CCDC13: variants seen among roughly 807,000 people sequenced by gnomAD.
CCDC13 encodes the protein coiled-coil domain-containing protein 13.
In CCDC13, 70 loss-of-function variants were observed where a neutral mutation model predicts 87.3. That is an observed-to-expected ratio of 0.80 (90% CI 0.66 to 0.98). The LOEUF (loss-of-function observed/expected upper bound fraction) is 0.98, where lower values mean the gene tolerates loss of function less well. Among genes scored for constraint, CCDC13 ranks in the 50% least tolerant of loss-of-function variants. The pLI is 0.00. For missense variants in CCDC13, 842 were observed against 892.0 expected (o/e 0.94, Z 0.71); for synonymous variants, 317 against 360.3 (o/e 0.88, Z 1.36).
chr3:42,763,503 CTT>C (rs765712843), intron 1 of CCDC13, among the ~76,000 whole-genome samples: 82 of 129,956 alleles, frequency 6.3e-4, no homozygotes, highest in Admixed American at 7.9e-4. Context: ...AAGAGATGTA[CTT>C]TTTTTTTTTT....
intron 3 of CCDC13, among the ~76,000 whole-genome samples, 159 bp downstream of exon 3, chr3:42,756,907 C>A (rs987261657): frequency 5.9e-5 from 9 of 152,038 alleles, no homozygotes; most frequent in African/African-American, 9.7e-5. Flanking sequence ...TGCTCTTTTC[C>A]TCTACCCTCT....
intron 3 of CCDC13, among the ~76,000 whole-genome samples, chr3:42,755,790 C>CA (rs1559659455): frequency 6.6e-6 from 1 of 152,138 alleles, no homozygotes; most frequent in African/African-American, 2.4e-5. Context: ...TTGCAAGAGA[C>CA]AGTTAACAAT....
chr3:42,732,883 A>G lies in CCDC13; in HGVS notation c.1595+4T>C, dbSNP rs908140010. The G allele has an allele frequency of 3.9e-6, 6 of 1,551,982 alleles. No individual in the cohort carries two copies. In the African/African-American group the frequency reaches 4.1e-5, roughly 11 times the overall value. On this transcript the variant is annotated splice_donor_region_variant and intron_variant, in intron 12 of 15. Transcript: ENST00000310232. The stretch of plus-strand genomic sequence containing the variant: ...GTGAGAGTCCGGGGGTCGGGGGTCC[A>G]TACCTAGGTGAGGTCCTGTGGGGAC...
chr3:42,754,023 G>A (rs1699648357), intron 3 of CCDC13, among the ~76,000 whole-genome samples: 1 of 152,186 alleles, frequency 6.6e-6, no homozygotes, highest in Non-Finnish European at 1.5e-5. Context: ...TCTCTGGAGT[G>A]CAGCTCCCCT....
chr3:42,751,888 G>A, intron 5 of CCDC13, 48 bp downstream of exon 5: 1 of 1,548,376 alleles, frequency 6.5e-7, no homozygotes, highest in Non-Finnish European at 8.9e-7. Context: ...GGGAGGCCCA[G>A]GCCCATGGCT....
chr3:42,706,550 C>T lies in CCDC13; in HGVS notation c.*2430G>A, dbSNP rs1195504739. The T allele has an allele frequency of 6.6e-6, 1 of 152,250 alleles. No individual in the cohort carries two copies. The highest frequency in any genetic ancestry group is 2.4e-5 in the African/African-American group (1 of 41,460). The allele number at this position is 152,250 out of a possible 1,614,324, so 9.4% of individuals were successfully genotyped here. On this transcript the variant is annotated 3_prime_UTR_variant, in exon 16 of 16. Coordinates refer to ENST00000310232, the MANE Select transcript of CCDC13 (RefSeq NM_144719.4). ...TCCCGCACATGGCACCACAGCAATG[C>T]TGTCAAGGTTGCCCGTGGAATCTGA... is the stretch of plus-strand genomic sequence containing the variant.
intron 7 of CCDC13, 106 bp downstream of exon 7, chr3:42,745,816 CT>C: frequency 1.4e-5 from 11 of 805,006 alleles, no homozygotes; most frequent in Admixed American, 2.5e-5. Context: ...ACCTAAAGGC[CT>C]TTTTTGGGTA....
intron 1 of CCDC13, among the ~76,000 whole-genome samples, chr3:42,769,104 C>T (rs534845048): frequency 6.6e-6 from 1 of 152,166 alleles, no homozygotes; most frequent in Non-Finnish European, 1.5e-5. Flanking sequence ...TGCCATTGCA[C>T]TCCAGTCTGG....
intron 3 of CCDC13, among the ~76,000 whole-genome samples, chr3:42,755,183 A>G (rs1224971881): frequency 6.6e-6 from 1 of 152,222 alleles, no homozygotes; most frequent in Admixed American, 6.5e-5. Flanking sequence ...ATATTTTGTA[A>G]TCACTAGATC....
chr3:42,772,520 C>T (rs1425446639), intron 1 of CCDC13, among the ~76,000 whole-genome samples: 3 of 152,132 alleles, frequency 2.0e-5, no homozygotes, highest in Admixed American at 6.5e-5. Flanking sequence ...CTTCCCCTCT[C>T]CTTCTCTTTC....
chr3:42,742,611 C>T (rs542631318), intron 8 of CCDC13, among the ~76,000 whole-genome samples: 6 of 152,164 alleles, frequency 3.9e-5, no homozygotes, highest in Admixed American at 2.0e-4. Flanking sequence ...ATGACCCTCC[C>T]CCTCTCCCTT....
At chr3:42,715,695 T>C (rs537559416) in intron 13 of CCDC13, among the ~76,000 whole-genome samples, 1 of 152,358 alleles carries the variant, frequency 6.6e-6, no homozygotes, top group East Asian at 1.9e-4. Flanking sequence ...TTCAAGTTCT[T>C]AAACTGTATT....
At chr3:42,768,555 G>A (rs964907533) in intron 1 of CCDC13, among the ~76,000 whole-genome samples, 1 of 151,958 alleles carries the variant, frequency 6.6e-6, no homozygotes, top group Non-Finnish European at 1.5e-5. Flanking sequence ...AAATTAGCTG[G>A]GCATGTTGGT....
chr3:42,765,364 G>A (rs935795852), intron 1 of CCDC13, among the ~76,000 whole-genome samples: 1 of 152,132 alleles, frequency 6.6e-6, no homozygotes, highest in Non-Finnish European at 1.5e-5. Context: ...GGCCAGTGGA[G>A]ATTTGAAATT....
chr3:42,751,695 T>C (rs1315641486), intron 5 of CCDC13, among the ~76,000 whole-genome samples: 2 of 152,248 alleles, frequency 1.3e-5, no homozygotes, highest in African/African-American at 4.8e-5. Context: ...GAGACAGAGT[T>C]GGAGCTACAC....
chr3:42,746,084 A>T, intron 6 of CCDC13, 57 bp from the exon 7 acceptor site: 1 of 1,242,402 alleles, frequency 8.0e-7, no homozygotes, highest in Admixed American at 1.7e-5. Flanking sequence ...CCAGACCCTG[A>T]TGCTGCTACG....
chr3:42,747,673 A>G (rs1699451735), intron 5 of CCDC13, among the ~76,000 whole-genome samples: 1 of 152,224 alleles, frequency 6.6e-6, no homozygotes, highest in Non-Finnish European at 1.5e-5. Flanking sequence ...AGTGTTGCAC[A>G]CACACATGTG....
rs1333471490 is a variant in CCDC13, at chr3:42,747,269, C to T, written c.708G>A (p.Arg236=). 1.2e-6 allele frequency: 2 copies of T among 1,614,000 alleles called. No individual in the cohort carries two copies. Among genetic ancestry groups the T allele is most frequent in the Middle Eastern group, 1.6e-4 (1 of 6,062 alleles). ...NQIQSVKQEL[R]MAQKVLAREV... is the part of the protein sequence containing the mutation. ...GGCTCTGAAAGACCTTCTGTGCCAT[C>T]CGCAGCTCCTGCTTCACAGACTGGA... is the stretch of plus-strand genomic sequence containing the variant. The change falls in exon 6 of 16, where the codon CGG becomes CGA. Residue 236 remains arginine, a synonymous_variant. Coordinates refer to ENST00000310232, the MANE Select transcript of CCDC13 (RefSeq NM_144719.4).
chr3:42,713,033 C>T (rs995831353), intron 14 of CCDC13, 129 bp downstream of exon 14: 1 of 1,088,256 alleles, frequency 9.2e-7, no homozygotes, highest in Non-Finnish European at 1.3e-6. Context: ...GCAGGCAGAG[C>T]TCCACCCTGA....
Sources: allele counts gnomAD v4.1 joint callset (sites outside exome capture counted in the v4.1 genomes callset), GRCh38; gene constraint gnomAD v4.1.1; transcripts MANE v1.5; gene names NCBI Gene and HGNC (gene_info 2026-07-23, HGNC 2026-07-21).